Variants in LHPP observed in about 807,000 individuals in gnomAD.
The protein encoded by LHPP is hLHPP.
In LHPP, 24 loss-of-function variants were observed where a neutral mutation model predicts 30.3. The ratio of observed to expected loss-of-function variants is 0.79; its 90% CI spans 0.57 to 1.11. The LOEUF (loss-of-function observed/expected upper bound fraction) is 1.11. Ranked by LOEUF, LHPP falls within the 50% of genes most tolerant of loss-of-function variation. LHPP has a pLI of 0.00. For synonymous variants in LHPP, 150 were observed against 157.1 expected (o/e 0.95, Z 0.34); for missense variants, 356 against 367.2 (o/e 0.97, Z 0.25).
At chr10:124,554,062 C>CG in intron 6 of LHPP, 2 of 985,436 alleles carry the variant, frequency 2.0e-6, no homozygotes, top group African/African-American at 3.5e-5. Context: ...CCTGTAGTTG[C>CG]GGGGCGGTGG....
intron 6 of LHPP, among the ~76,000 whole-genome samples, chr10:124,569,530 C>T (rs944719384): frequency 2.6e-5 from 4 of 151,902 alleles, no homozygotes; most frequent in East Asian, 1.9e-4. Context: ...CAAACGGGAA[C>T]GTGGCGGGCA....
intron 6 of LHPP, among the ~76,000 whole-genome samples, chr10:124,547,687 C>G (rs913992704): frequency 6.6e-6 from 1 of 152,242 alleles, no homozygotes; most frequent in Non-Finnish European, 1.5e-5. Flanking sequence ...CCTGCACCGC[C>G]AGGAGAAGCA....
intron 6 of LHPP, among the ~76,000 whole-genome samples, chr10:124,600,075 G>C (rs1043766119): frequency 2.6e-5 from 4 of 152,226 alleles, no homozygotes; most frequent in Non-Finnish European, 4.4e-5. Flanking sequence ...GGGGCAGTTG[G>C]GGACATGAGT....
chr10:124,524,827 C>G (rs879910957), intron 6 of LHPP, among the ~76,000 whole-genome samples: 6 of 152,124 alleles, frequency 3.9e-5, no homozygotes, highest in Admixed American at 3.9e-4. Context: ...AGAGCAAGAC[C>G]TTGTCTCAAA....
chr10:124,567,976 G>T (rs946143049), intron 6 of LHPP, among the ~76,000 whole-genome samples: 2 of 152,176 alleles, frequency 1.3e-5, no homozygotes, highest in African/African-American at 4.8e-5. Flanking sequence ...GCAGTGGCGC[G>T]ATCTCGGCTC....
At chr10:124,600,955 C>T (rs931431849) in intron 6 of LHPP, among the ~76,000 whole-genome samples, 1 of 152,186 alleles carries the variant, frequency 6.6e-6, no homozygotes, top group African/African-American at 2.4e-5. Context: ...ACAATTGTGG[C>T]AGATTGATGG....
intron 6 of LHPP, among the ~76,000 whole-genome samples, chr10:124,602,949 C>T (rs944688683): frequency 2.0e-5 from 3 of 152,214 alleles, no homozygotes; most frequent in Non-Finnish European, 4.4e-5. Context: ...CAGGACCCCA[C>T]CTCACTCTTA....
At chr10:124,611,787 C>A (rs1345241071) in intron 6 of LHPP, among the ~76,000 whole-genome samples, 1 of 152,156 alleles carries the variant, frequency 6.6e-6, no homozygotes. Context: ...TTTGAAAGGG[C>A]CAACACGGCT....
chr10:124,508,877 G>C (rs371432334), intron 5 of LHPP, among the ~76,000 whole-genome samples: 1 of 152,074 alleles, frequency 6.6e-6, no homozygotes, highest in East Asian at 1.9e-4. Context: ...GACAATTTTT[G>C]TTAACTTATA....
chr10:124,550,130 G>A (rs1955445379), intron 6 of LHPP, among the ~76,000 whole-genome samples: 2 of 152,248 alleles, frequency 1.3e-5, no homozygotes, highest in Non-Finnish European at 1.5e-5. Flanking sequence ...TCTCTCCTTT[G>A]CGTGCTGTGA....
intron 6 of LHPP, among the ~76,000 whole-genome samples, chr10:124,564,385 A>G (rs1948455594): frequency 6.6e-6 from 1 of 151,948 alleles, no homozygotes; most frequent in South Asian, 2.1e-4. Flanking sequence ...GGCCTCCCAA[A>G]GTGCTGGGAT....
At chr10:124,488,760 C>A (rs764066467) in intron 3 of LHPP, among the ~76,000 whole-genome samples, 185 bp downstream of exon 3, 2 of 152,070 alleles carry the variant, frequency 1.3e-5, no homozygotes, top group Non-Finnish European at 1.5e-5. Flanking sequence ...TTAATCATTT[C>A]TTTAGGAAAT....
At chr10:124,602,080 C>A (rs1949030504) in intron 6 of LHPP, among the ~76,000 whole-genome samples, 1 of 152,186 alleles carries the variant, frequency 6.6e-6, no homozygotes, top group South Asian at 2.1e-4. Context: ...GCCTCCGGGT[C>A]TAGCCAGAGT....
intron 6 of LHPP, among the ~76,000 whole-genome samples, chr10:124,609,911 A>C (rs538041621): frequency 6.6e-6 from 1 of 152,180 alleles, no homozygotes; most frequent in Non-Finnish European, 1.5e-5. Flanking sequence ...GCATTTGTCC[A>C]GTGTTTGACT....
chr10:124,519,442 ATT>A (rs777070824), intron 6 of LHPP, among the ~76,000 whole-genome samples: 4 of 151,812 alleles, frequency 2.6e-5, no homozygotes, highest in Non-Finnish European at 5.9e-5. Context: ...TTTTTTGGTA[ATT>A]TTTAAAATTT....
chr10:124,580,536 A>G (rs187736306), intron 6 of LHPP, among the ~76,000 whole-genome samples: 6 of 152,186 alleles, frequency 3.9e-5, no homozygotes, highest in African/African-American at 1.2e-4. Flanking sequence ...TCACTGACTT[A>G]TAATGCCACC....
intron 1 of LHPP, among the ~76,000 whole-genome samples, chr10:124,481,124 C>G (rs971708414): frequency 2.0e-5 from 3 of 152,132 alleles, no homozygotes; most frequent in African/African-American, 7.2e-5. Context: ...ATAGATTCAT[C>G]CCTGAACTCC....
intron 6 of LHPP, among the ~76,000 whole-genome samples, chr10:124,571,925 T>A (rs1045660204): frequency 3.3e-5 from 5 of 152,070 alleles, no homozygotes; most frequent in African/African-American, 1.2e-4. Context: ...AACCATGAGA[T>A]TTGAACCAAG....
At chr10:124,567,996 T>C (rs1459463197) in intron 6 of LHPP, among the ~76,000 whole-genome samples, 1 of 152,196 alleles carries the variant, frequency 6.6e-6, no homozygotes, top group Non-Finnish European at 1.5e-5. Flanking sequence ...CACTGCAACC[T>C]CCGCCTCCCG....
Sources: gnomAD v4.1 joint callset for allele counts (sites outside exome capture counted in the v4.1 genomes callset) on GRCh38, gnomAD v4.1.1 for gene constraint, MANE v1.5 for transcripts, NCBI Gene and HGNC (gene_info 2026-07-23, HGNC 2026-07-21) for gene names.